The following NAGLU variants were observed in gnomAD, a reference collection of about 807,000 sequenced individuals.
The protein encoded by NAGLU is alpha-N-acetylglucosaminidase.
Under a neutral mutation model 43.4 loss-of-function variants are expected in NAGLU, and 34 were observed. The observed-to-expected ratio is 0.78, with a 90% CI of 0.60 to 1.04. The LOEUF (loss-of-function observed/expected upper bound fraction) is 1.04. NAGLU is among the 50% of genes least tolerant of loss of function. The pLI is 0.00. For synonymous variants in NAGLU, 425 were observed against 437.6 expected (o/e 0.97, Z 0.36); for missense variants, 910 against 993.7 (o/e 0.92, Z 1.13).
rs115888189 is a variant in NAGLU, at chr17:42,541,118, C to G, written c.933C>G (p.Ala311=). Residue 311 remains alanine (A), a synonymous_variant, in exon 5 of 6, where the codon GCC becomes GCG. Transcript: ENST00000225927. ...TTGGCACAGACCACATCTATGGGGC[C>G]GACACTTTCAATGAGATGCAGCCAC... ...KEFGTDHIYG[A]DTFNEMQPPS... is the part of the protein sequence containing the mutation. The G allele has an allele frequency of 7.1e-4, 1,154 of 1,613,992 alleles. 1 individual carries two copies. The Middle Eastern group carries it at 0.013, about 19-fold the overall frequency.
At chr17:42,542,329 G>A (rs1156815990) in intron 5 of NAGLU, among the ~76,000 whole-genome samples, 5 of 152,142 alleles carry the variant, frequency 3.3e-5, no homozygotes, top group African/African-American at 7.2e-5. Context: ...CTCCCAAAGT[G>A]CTGGGATTAC....
At position 42,543,441 on chromosome 17, in the gene NAGLU, G is replaced by T; in HGVS notation, c.1435G>T (p.Ala479Ser). 1 of 1,598,038 alleles carries T rather than the reference G, an allele frequency of 6.3e-7. No homozygotes were observed. Residue 479 changes from alanine (A) to serine (S), a missense_variant, in exon 6 of 6, where the codon GCC (alanine) becomes TCC (serine). Coordinates refer to ENST00000225927, the MANE Select transcript of NAGLU (RefSeq NM_000263.4). Reference protein sequence around the residue: ...PDLAAWVTSFAARRYGVSHPD... With the variant: ...PDLAAWVTSFSARRYGVSHPD... ...TTTGGCAGCCTGGGTGACCAGCTTT[G>T]CCGCCCGGCGGTATGGGGTCTCCCA...
At chr17:42,536,687 G>T in intron 1 of NAGLU, 32 bp downstream of exon 1, 1 of 1,434,388 alleles carries the variant, frequency 7.0e-7, no homozygotes, top group South Asian at 1.4e-5. Context: ...GCGTCCGCCC[G>T]AGGCGCTTAC....
Position 42,536,427 on chromosome 17 carries a change from T to C in NAGLU, c.155T>C (p.Val52Ala). ...CCCGCGGCCGACTTCTCCGTGTCGG[T>C]GGAGCGCGCTCTGGCTGCCAAGCCG... ...PGPAADFSVSVERALAAKPGL... is the reference protein window; with the variant it reads ...PGPAADFSVSAERALAAKPGL... The change falls in exon 1 of 6, where the codon GTG becomes GCG. Residue 52 changes from valine to alanine, a missense_variant. Physicochemically the swap from Val to Ala is moderately conservative, Grantham distance 64. Coordinates refer to ENST00000225927, the MANE Select transcript of NAGLU (RefSeq NM_000263.4). The C allele has an allele frequency of 1.6e-6, 2 of 1,252,632 alleles. No homozygotes were observed. Among genetic ancestry groups the C allele is most frequent in the Non-Finnish European group, 2.0e-6 (2 of 989,386 alleles). The allele number at this position is 1,252,632 out of a possible 1,614,324, so 77.6% of individuals were successfully genotyped here.
chr17:42,542,704 G>C (rs1375762378), intron 5 of NAGLU, among the ~76,000 whole-genome samples: 2 of 152,192 alleles, frequency 1.3e-5, no homozygotes, highest in African/African-American at 4.8e-5. Flanking sequence ...ACATTGGCCA[G>C]GCTGGTCTGG....
Position 42,543,437 on chromosome 17 carries a change from C to T in NAGLU, c.1431C>T (p.Ser477=). ...CAGATTTGGCAGCCTGGGTGACCAG[C>T]TTTGCCGCCCGGCGGTATGGGGTCT... ...PVPDLAAWVT[S]FAARRYGVSH... is the part of the protein sequence containing the mutation. Residue 477 remains serine, a synonymous_variant, in exon 6 of 6, where the codon AGC becomes AGT. Transcript: ENST00000225927. The T allele has an allele frequency of 1.3e-6, 2 of 1,598,930 alleles. No homozygotes were observed. The highest frequency in any genetic ancestry group is 1.7e-6 in the Non-Finnish European group (2 of 1,174,018).
intron 4 of NAGLU, among the ~76,000 whole-genome samples, chr17:42,539,434 A>T (rs773909006): frequency 1.7e-4 from 26 of 152,280 alleles, no homozygotes; most frequent in Non-Finnish European, 2.6e-4. Context: ...TTCAAGGCTC[A>T]CCTGAGACCT....
intron 1 of NAGLU, 129 bp downstream of exon 1, chr17:42,536,784 G>A (rs968490496): frequency 7.5e-7 from 1 of 1,337,364 alleles, no homozygotes; most frequent in Non-Finnish European, 9.6e-7. Context: ...TCCAGCAGCT[G>A]TGTGGCCTTG....
Position 42,544,029 on chromosome 17 carries a change from T to C in NAGLU, c.2023T>C (p.Trp675Arg), listed in dbSNP as rs2092930265. The C allele has an allele frequency of 6.2e-7, 1 of 1,612,062 alleles. No homozygotes were observed. Among genetic ancestry groups the C allele is most frequent in the South Asian group, 1.1e-5 (1 of 90,642 alleles). Reference sequence around the variant, plus strand: ...GGTGGCCAACTACTACACCCCTCGCTGGCGGCTTTTCCTGGAGGCGCTGGT... The same window carrying C: ...GGTGGCCAACTACTACACCCCTCGCCGGCGGCTTTTCCTGGAGGCGCTGGT... The part of the protein sequence containing the change: ...GLVANYYTPR[W>R]RLFLEALVDS... Residue 675 changes from tryptophan (W) to arginine (R), a missense_variant, in exon 6 of 6, where the codon TGG (tryptophan) becomes CGG (arginine). Coordinates refer to ENST00000225927, the MANE Select transcript of NAGLU (RefSeq NM_000263.4).
chr17:42,537,787 C>G (rs1460354093), intron 2 of NAGLU, among the ~76,000 whole-genome samples: 3 of 151,658 alleles, frequency 2.0e-5, no homozygotes, highest in African/African-American at 7.3e-5. Context: ...ACCATCCTGG[C>G]CAACATTGTG....
chr17:42,536,495 G>T lies in NAGLU; in HGVS notation c.223G>T (p.Val75Leu), dbSNP rs1460838744. The T allele has an allele frequency of 8.1e-7, 1 of 1,230,510 alleles. No individual in the cohort carries two copies. The highest frequency in any genetic ancestry group is 1.0e-6 in the Non-Finnish European group (1 of 989,770). The allele number at this position is 1,230,510 out of a possible 1,614,324, so 76.2% of individuals were successfully genotyped here. ...YSLGGGGAARVRVRGSTGVAA... is the reference protein window; with the variant it reads ...YSLGGGGAARLRVRGSTGVAA... ...CCTGGGCGGCGGCGGCGCGGCGCGCGTGCGGGTGCGCGGCTCCACGGGCGT... is the reference window on the plus strand; with the variant it reads ...CCTGGGCGGCGGCGGCGCGGCGCGCTTGCGGGTGCGCGGCTCCACGGGCGT... Residue 75 changes from valine to leucine, a missense_variant, in exon 1 of 6, where the codon GTG becomes TTG. By Grantham distance (32) the Val-to-Leu change is conservative. Coordinates refer to ENST00000225927, the MANE Select transcript of NAGLU (RefSeq NM_000263.4).
chr17:42,542,161 C>G (rs541340515), intron 5 of NAGLU, among the ~76,000 whole-genome samples: 2 of 152,202 alleles, frequency 1.3e-5, no homozygotes, highest in East Asian at 1.9e-4. Flanking sequence ...TTCCTGAGTT[C>G]AAGCGATTCT....
intron 4 of NAGLU, among the ~76,000 whole-genome samples, chr17:42,540,345 A>T (rs988981207): frequency 6.6e-6 from 1 of 151,200 alleles, no homozygotes; most frequent in African/African-American, 2.4e-5. Flanking sequence ...TGGCACATGT[A>T]TACCTATGCA....
In NAGLU at chr17:42,543,807, G is replaced by A; in HGVS notation, c.1801G>A (p.Glu601Lys). 1 of 1,607,210 alleles carries A rather than the reference G, an allele frequency of 6.2e-7. No individual in the cohort carries two copies. Among genetic ancestry groups the A allele is most frequent in the Non-Finnish European group, 8.5e-7 (1 of 1,177,504 alleles). The change falls in exon 6 of 6, where the codon GAG becomes AAG. Residue 601 changes from glutamate to lysine, a missense_variant. Transcript: ENST00000225927. ...LLRAGGVLAY[E>K]LLPALDEVLA... ...GAGGGCTGGAGGCGTCCTGGCCTAT[G>A]AGCTGCTGCCGGCACTGGACGAGGT...
intron 1 of NAGLU, chr17:42,537,145 T>A: frequency 1.9e-6 from 1 of 531,300 alleles, no homozygotes. Flanking sequence ...TCTGGCAGTG[T>A]GGCATGAAAG....
chr17:42,537,460 G>C lies in NAGLU; in HGVS notation c.446G>C (p.Arg149Pro), dbSNP rs1489785243. The C allele has an allele frequency of 6.2e-7, 1 of 1,614,128 alleles. No individual in the cohort carries two copies. Among genetic ancestry groups the C allele is most frequent in the Non-Finnish European group, 8.5e-7 (1 of 1,180,036 alleles). The change falls in exon 2 of 6, where the codon CGC (arginine) becomes CCC (proline). Residue 149 changes from arginine (R) to proline (P), a missense_variant. Physicochemically the swap from Arg to Pro is moderately radical, Grantham distance 103 (BLOSUM62 -2). Coordinates refer to ENST00000225927, the MANE Select transcript of NAGLU (RefSeq NM_000263.4). Reference protein sequence around the residue: ...SYSFVWWDWARWEREIDWMAL... With the variant: ...SYSFVWWDWAPWEREIDWMAL... ...TCTTTCGTGTGGTGGGACTGGGCCC[G>C]CTGGGAGCGAGAGATAGACTGGATG...
Position 42,538,292 on chromosome 17 carries a change from A to G in NAGLU, c.532-47A>G. The G allele has an allele frequency of 2.5e-6, 4 of 1,613,036 alleles. No homozygotes were observed. The Admixed American group carries it at 5.0e-5, about 20-fold the overall frequency. On this transcript the variant is annotated intron_variant, in intron 2 of 5. Coordinates refer to ENST00000225927, the MANE Select transcript of NAGLU (RefSeq NM_000263.4). ...GAATGGTTGTTGAATGAATGAATGA[A>G]TGAATGAAGATGAATATATTTCTAT...
chr17:42,542,207 C>T (rs200817514), intron 5 of NAGLU, among the ~76,000 whole-genome samples: 17 of 152,064 alleles, frequency 1.1e-4, no homozygotes, highest in African/African-American at 1.9e-4. Context: ...GGATTACAGG[C>T]GCCCCCCAAC....
chr17:42,540,929 T>G, intron 4 of NAGLU, 21 bp from the exon 5 acceptor site: 1 of 1,614,194 alleles, frequency 6.2e-7, no homozygotes, highest in Non-Finnish European at 8.5e-7. Context: ...ATGAAATATC[T>G]GAGCTTTTGC....
Sources: gnomAD v4.1 joint callset for allele counts (sites outside exome capture counted in the v4.1 genomes callset) on GRCh38, gnomAD v4.1.1 for gene constraint, MANE v1.5 for transcripts, NCBI Gene and HGNC (gene_info 2026-07-23, HGNC 2026-07-21) for gene names.